The following SLC4A4 variants were observed in gnomAD, a reference collection of about 807,000 sequenced individuals.
SLC4A4 encodes the protein solute carrier family 4 member 4, also known as electrogenic sodium bicarbonate cotransporter 1.
A neutral mutation model predicts 111.5 loss-of-function variants in SLC4A4; 27 were observed. That is an observed-to-expected ratio of 0.24 (90% confidence interval 0.18 to 0.33). SLC4A4 has a LOEUF of 0.33. SLC4A4 is among the 10% of genes least tolerant of loss of function. SLC4A4 has a pLI of 1.00. For missense variants in SLC4A4, 909 were observed against 1,315.5 expected (o/e 0.69, Z 4.78); for synonymous variants, 443 against 463.4 (o/e 0.96, Z 0.57).
chr4:71,328,421 T>G (rs1371492442), intron 3 of SLC4A4, among the ~76,000 whole-genome samples: 1 of 151,766 alleles, frequency 6.6e-6, no homozygotes, highest in Non-Finnish European at 1.5e-5. Flanking sequence ...TTCTCCATAG[T>G]GGCTATACAT....
intron 1 of SLC4A4, among the ~76,000 whole-genome samples, chr4:71,197,338 A>G (rs1746054643): frequency 6.6e-6 from 1 of 152,218 alleles, no homozygotes; most frequent in Admixed American, 6.5e-5. Context: ...TTTGGAACCC[A>G]TATCTTTGGG....
chr4:71,458,109 A>G (rs1473702220), intron 12 of SLC4A4, among the ~76,000 whole-genome samples: 1 of 152,112 alleles, frequency 6.6e-6, no homozygotes, highest in Non-Finnish European at 1.5e-5. Context: ...CTTGGTTGCC[A>G]AACAAGTATA....
At chr4:71,196,783 G>A (rs982302035) in intron 1 of SLC4A4, among the ~76,000 whole-genome samples, 1 of 120,634 alleles carries the variant, frequency 8.3e-6, no homozygotes, top group Non-Finnish European at 1.6e-5. Context: ...GCAGTGAGCC[G>A]AGATTGCACC....
At chr4:71,283,421 T>A (rs1381286580) in intron 3 of SLC4A4, among the ~76,000 whole-genome samples, 1 of 152,144 alleles carries the variant, frequency 6.6e-6, no homozygotes, top group Admixed American at 6.5e-5. Context: ...TCACACAGGG[T>A]TGCACTAGGT....
At chr4:71,121,813 A>G (rs188378545) in intron 2 of SLC4A4, among the ~76,000 whole-genome samples, 1 of 152,278 alleles carries the variant, frequency 6.6e-6, no homozygotes, top group African/African-American at 2.4e-5. Flanking sequence ...GCTCTTTGCA[A>G]TAAATCTCGC....
At chr4:71,148,581 T>C (rs1029886157) in intron 2 of SLC4A4, among the ~76,000 whole-genome samples, 1 of 152,134 alleles carries the variant, frequency 6.6e-6, no homozygotes, top group Non-Finnish European at 1.5e-5. Context: ...CCAGTGTGTG[T>C]TGCTTCCTTC....
intron 3 of SLC4A4, among the ~76,000 whole-genome samples, chr4:71,325,109 T>C (rs1247720410): frequency 1.3e-5 from 2 of 151,952 alleles, no homozygotes; most frequent in Non-Finnish European, 2.9e-5. Flanking sequence ...AAAGTAACTG[T>C]CTAATTTACT....
chr4:71,563,460 T>G (rs1010005590), intron 23 of SLC4A4, among the ~76,000 whole-genome samples: 3 of 151,836 alleles, frequency 2.0e-5, no homozygotes. Context: ...TTAATCTGTT[T>G]TTGCATTGAG....
At chr4:71,146,628 G>T (rs528962460) in intron 2 of SLC4A4, among the ~76,000 whole-genome samples, 1,937 of 152,250 alleles carry the variant, frequency 0.013, 34 homozygotes, top group African/African-American at 0.039. Flanking sequence ...GAATCTGGGT[G>T]CTCCTGTATT....
At chr4:71,148,407 T>C (rs1744234899) in intron 2 of SLC4A4, among the ~76,000 whole-genome samples, 1 of 152,196 alleles carries the variant, frequency 6.6e-6, no homozygotes, top group African/African-American at 2.4e-5. Flanking sequence ...TTTTTTAATT[T>C]AACTTTTAAG....
rs894442928 is a variant in SLC4A4, at chr4:71,112,816, C to T, written c.-2+20024C>T. Among the ~76,000 whole-genome samples, 24 of 152,182 alleles carry T rather than the reference C, an allele frequency of 1.6e-4. 1 individual carries two copies. Among genetic ancestry groups the T allele is most frequent in the African/African-American group, 5.5e-4 (23 of 41,504 alleles). On this transcript the variant is annotated intron_variant, in intron 2 of 26. Transcript: ENST00000649996. Reference sequence around the variant, plus strand: ...ATGGAATAATGTCTGGGAACCACTGCGTTAGGTAATTTGAAGGGGCTTTCC... The same window carrying T: ...ATGGAATAATGTCTGGGAACCACTGTGTTAGGTAATTTGAAGGGGCTTTCC...
chr4:71,368,395 TAAA>T (rs1283112615), intron 6 of SLC4A4, among the ~76,000 whole-genome samples: 1 of 152,194 alleles, frequency 6.6e-6, no homozygotes, highest in Non-Finnish European at 1.5e-5. Flanking sequence ...CATACATCCT[TAAA>T]TTGGCTTATA....
At chr4:71,310,973 G>T (rs1334475569) in intron 3 of SLC4A4, among the ~76,000 whole-genome samples, 1 of 152,164 alleles carries the variant, frequency 6.6e-6, no homozygotes, top group Non-Finnish European at 1.5e-5. Flanking sequence ...AAAATAAAGG[G>T]ATGGAGGAAT....
intron 3 of SLC4A4, among the ~76,000 whole-genome samples, chr4:71,313,444 G>A (rs1472009070): frequency 2.0e-5 from 3 of 152,020 alleles, no homozygotes; most frequent in African/African-American, 7.2e-5. Flanking sequence ...ATTCCATATG[G>A]AACCAAAAAA....
intron 8 of SLC4A4, among the ~76,000 whole-genome samples, chr4:71,444,134 G>A (rs1725014755): frequency 2.0e-5 from 3 of 152,210 alleles, no homozygotes. Flanking sequence ...TATCAGGAAA[G>A]AGGGGGGTGC....
chr4:71,143,132 T>C (rs534921374), intron 2 of SLC4A4, among the ~76,000 whole-genome samples: 1 of 152,116 alleles, frequency 6.6e-6, no homozygotes, highest in East Asian at 1.9e-4. Context: ...CGGTGTGTGA[T>C]GTTCCCCTTC....
chr4:71,124,282 C>T (rs1578502615), intron 2 of SLC4A4, among the ~76,000 whole-genome samples: 1 of 151,472 alleles, frequency 6.6e-6, no homozygotes, highest in South Asian at 2.1e-4. Flanking sequence ...AGCGATTCTC[C>T]TGCCTCAGCC....
intron 7 of SLC4A4, among the ~76,000 whole-genome samples, chr4:71,439,037 C>A (rs1050559448): frequency 1.3e-5 from 2 of 151,268 alleles, no homozygotes; most frequent in African/African-American, 4.9e-5. Context: ...CTATTTTATT[C>A]TCTCCTCCCC....
At chr4:71,403,715 G>A (rs768263896) in intron 7 of SLC4A4, among the ~76,000 whole-genome samples, 9 of 152,142 alleles carry the variant, frequency 5.9e-5, no homozygotes, top group Non-Finnish European at 5.9e-5. Context: ...AAATAGGCCG[G>A]AGGACCTTTT....
Sources: allele counts gnomAD v4.1 joint callset (sites outside exome capture counted in the v4.1 genomes callset), GRCh38; gene constraint gnomAD v4.1.1; transcripts MANE v1.5; gene names NCBI Gene and HGNC (gene_info 2026-07-23, HGNC 2026-07-21).